Variants in RFWD3 observed in about 807,000 individuals in gnomAD.
RFWD3 encodes the protein E3 ubiquitin-protein ligase RFWD3.
In RFWD3, 65 loss-of-function variants were observed where a neutral mutation model predicts 87.7. The observed-to-expected ratio is 0.74, with a 90% CI of 0.61 to 0.91. RFWD3 has a LOEUF of 0.91. Ranked by LOEUF, RFWD3 falls within the 40% of genes least tolerant of loss-of-function variation. RFWD3 has a pLI of 0.00. For synonymous variants in RFWD3, 433 were observed against 352.8 expected (o/e 1.23, Z -2.55); for missense variants, 1,078 against 938.5 (o/e 1.15, Z -1.94).
Position 74,624,077 on chromosome 16 carries a change from G to C in RFWD3, c.2182-6C>G, listed in dbSNP as rs201236333. On this transcript the variant is annotated splice_region_variant and splice_polypyrimidine_tract_variant and intron_variant, in intron 12 of 12. Transcript: ENST00000361070. Reference sequence around the variant, plus strand: ...CCACTGGCAGCATCCCACAGCTAAAGAACACAAGCAGAGGGAAGGGTCAGG... The same window carrying C: ...CCACTGGCAGCATCCCACAGCTAAACAACACAAGCAGAGGGAAGGGTCAGG... 4.6e-5 allele frequency: 74 copies of C among 1,613,476 alleles called. No individual in the cohort carries two copies. In the Middle Eastern group the frequency reaches 6.6e-4, roughly 14 times the overall value.
At chr16:74,639,989 T>C (rs1007836152) in intron 6 of RFWD3, among the ~76,000 whole-genome samples, 1 of 152,186 alleles carries the variant, frequency 6.6e-6, no homozygotes, top group African/African-American at 2.4e-5. Flanking sequence ...TTTATTATTG[T>C]TAATCTCTTA....
intron 6 of RFWD3, chr16:74,644,122 T>G: frequency 1.8e-6 from 1 of 561,000 alleles, no homozygotes. Flanking sequence ...GCAACAGAAG[T>G]AATGTGCCAG....
intron 8 of RFWD3, among the ~76,000 whole-genome samples, chr16:74,633,279 G>GA (rs59964330): frequency 0.65 from 71,882 of 110,682 alleles, 21,527 homozygotes; most frequent in African/African-American, 0.78. Context: ...CTCCGTCTCA[G>GA]AAAAAAAAAA....
Position 74,623,945 on chromosome 16 carries a change from T to C in RFWD3, c.2308A>G (p.Ile770Val), listed in dbSNP as rs1220012508. The C allele has an allele frequency of 1.2e-6, 2 of 1,614,136 alleles. No homozygotes were observed. The highest frequency in any genetic ancestry group is 1.7e-6 in the Non-Finnish European group (2 of 1,180,000). ...GACCACAGTCACTCCCACTTATAGA[T>C]GTGGACCATCTTCTCTGTTAAGGTA... ...LATLTEKMVHIYKWE is the reference protein window; with the variant it reads ...LATLTEKMVHVYKWE The change falls in exon 13 of 13, where the codon ATC becomes GTC. Residue 770 changes from isoleucine (I) to valine (V), a missense_variant. By Grantham distance (29) the Ile-to-Val change is conservative. Transcript: ENST00000361070.
At position 74,624,549 on chromosome 16, in the gene RFWD3, C is replaced by T. The variant is rs572941309; in HGVS notation, c.2182-478G>A. Among the ~76,000 whole-genome samples the T allele has an allele frequency of 8.5e-5, 13 of 152,320 alleles. No homozygotes were observed. In the South Asian group the frequency reaches 2.7e-3, roughly 32 times the overall value. ...TAGCTGGGATTACAGACATCCACCA[C>T]CACGCCCGGCTAATTTTCTTGTATT... On this transcript the variant is annotated intron_variant, in intron 12 of 12. Coordinates refer to ENST00000361070, the MANE Select transcript of RFWD3 (RefSeq NM_018124.4).
intron 4 of RFWD3, 126 bp from the exon 5 acceptor site, chr16:74,644,861 T>C: frequency 1.3e-6 from 1 of 767,958 alleles, no homozygotes; most frequent in Non-Finnish European, 2.1e-6. Flanking sequence ...ACAGAACACT[T>C]GTAACACCTA....
rs140551878 is a variant in RFWD3 at position 74,642,283 on chromosome 16, C to T, written c.1079+2079G>A. Reference sequence around the variant, plus strand: ...CATTACAGGCACGCACCACCACATCCGGATAATTTTTTGTATTTTTAGTAA... The same window carrying T: ...CATTACAGGCACGCACCACCACATCTGGATAATTTTTTGTATTTTTAGTAA... On this transcript the variant is annotated intron_variant, in intron 6 of 12. Transcript: ENST00000361070. Among the ~76,000 whole-genome samples the T allele has an allele frequency of 8.2e-3, 1,250 of 151,804 alleles. 21 individuals carry two copies. The highest frequency in any genetic ancestry group is 0.029 in the African/African-American group (1,181 of 41,404).
rs755293919 is a variant in RFWD3 at position 74,637,949 on chromosome 16, C to G, written c.1101G>C (p.Met367Ile). ...ATTCTAACTCGGCCTGTTTCCTTAG[C>G]ATCTGTTCCTTCAGTAGGGAACTAG... Reference protein sequence around the residue: ...RMKSSLLKEQMLRKQAELESA... With the variant: ...RMKSSLLKEQILRKQAELESA... Residue 367 changes from methionine (M) to isoleucine (I), a missense_variant, in exon 7 of 13, where the codon ATG becomes ATC. Coordinates refer to ENST00000361070, the MANE Select transcript of RFWD3 (RefSeq NM_018124.4). 6.2e-6 allele frequency: 10 copies of G among 1,611,266 alleles called. No homozygotes were observed. The African/African-American group carries it at 1.3e-4, about 22-fold the overall frequency.
chr16:74,643,669 G>GCTTTTTTTTTTTTT lies in RFWD3; in HGVS notation c.1079+692_1079+693insAAAAAAAAAAAAAG, dbSNP rs56803461. Among the ~76,000 whole-genome samples the GCTTTTTTTTTTTTT allele has an allele frequency of 7.6e-5, 8 of 105,054 alleles. 3 individuals are homozygous for GCTTTTTTTTTTTTT. The highest frequency in any genetic ancestry group is 9.3e-5 in the Non-Finnish European group (5 of 53,500). 68.9% of individuals were successfully genotyped at this position (105,054 alleles called of 152,430 possible). On this transcript the variant is annotated intron_variant, in intron 6 of 12. Transcript: ENST00000361070. ...ATACTGAGTGGTGTTACTAGCAACT[G>GCTTTTTTTTTTTTT]TTTTTTTTTTTTTTTTTTTTTTTTG...
intron 2 of RFWD3, among the ~76,000 whole-genome samples, 193 bp from the exon 3 acceptor site, chr16:74,652,315 A>G (rs1960632405): frequency 6.6e-6 from 1 of 151,770 alleles, no homozygotes; most frequent in Admixed American, 6.6e-5. Flanking sequence ...TTACCACTCA[A>G]CCACTGCTAC....
At chr16:74,634,657 G>A (rs1959178730) in intron 8 of RFWD3, among the ~76,000 whole-genome samples, 1 of 152,092 alleles carries the variant, frequency 6.6e-6, no homozygotes, top group Non-Finnish European at 1.5e-5. Flanking sequence ...CCAAAGTGCT[G>A]GGATTACAGT....
intron 2 of RFWD3, among the ~76,000 whole-genome samples, chr16:74,654,139 TC>T (rs1366001340): frequency 4.6e-5 from 7 of 152,140 alleles, no homozygotes; most frequent in African/African-American, 1.7e-4. Context: ...AGCAGTCATT[TC>T]CCCTCCTATT....
At chr16:74,665,748 C>CT (rs1491030184) in intron 1 of RFWD3, among the ~76,000 whole-genome samples, 1 of 135,308 alleles carries the variant, frequency 7.4e-6, no homozygotes, top group Admixed American at 8.2e-5. Flanking sequence ...TTCTTTCTTT[C>CT]TTTCTTTCTT....
intron 6 of RFWD3, among the ~76,000 whole-genome samples, chr16:74,640,209 C>G (rs553214984): frequency 6.7e-6 from 1 of 148,496 alleles, no homozygotes; most frequent in African/African-American, 2.5e-5. Flanking sequence ...GTGGCGTGAT[C>G]TTGGCTCACT....
chr16:74,643,677 T>C (rs1160273179), intron 6 of RFWD3, among the ~76,000 whole-genome samples: 7 of 113,330 alleles, frequency 6.2e-5, no homozygotes, highest in African/African-American at 8.3e-5. Flanking sequence ...CTGTTTTTTT[T>C]TTTTTTTTTT....
chr16:74,637,249 C>A (rs1473951478), intron 7 of RFWD3, among the ~76,000 whole-genome samples: 5 of 151,674 alleles, frequency 3.3e-5, no homozygotes, highest in African/African-American at 1.2e-4. Flanking sequence ...CCTGGTAAAG[C>A]CCTCATTTTA....
intron 10 of RFWD3, among the ~76,000 whole-genome samples, chr16:74,629,583 T>A (rs1422857980): frequency 2.6e-5 from 4 of 151,736 alleles, no homozygotes; most frequent in Non-Finnish European, 5.9e-5. Context: ...TCCAAGACTG[T>A]GCCACTGCAC....
chr16:74,623,825 T>C lies in RFWD3; in HGVS notation c.*103A>G. The stretch of plus-strand genomic sequence containing the variant: ...AATGCAAACAAACCATGATTCCCAA[T>C]GTTCTAGACTGCAGACAATAAACAG... On this transcript the variant is annotated 3_prime_UTR_variant, in exon 13 of 13. Transcript: ENST00000361070. 2 of 1,248,376 alleles carry C rather than the reference T, an allele frequency of 1.6e-6. No homozygotes were observed. The highest frequency in any genetic ancestry group is 2.3e-6 in the Non-Finnish European group (2 of 879,896). The allele number at this position is 1,248,376 out of a possible 1,614,324, so 77.3% of individuals were successfully genotyped here. A position where few individuals can be genotyped will look rare whatever the true frequency, so the allele number is the denominator to read the frequency against.
At chr16:74,660,046 C>A (rs1406025108) in intron 2 of RFWD3, among the ~76,000 whole-genome samples, 1 of 151,998 alleles carries the variant, frequency 6.6e-6, no homozygotes, top group Non-Finnish European at 1.5e-5. Flanking sequence ...CACAGTGAGA[C>A]CCTGTCTCAA....
Sources: allele counts gnomAD v4.1 joint callset (sites outside exome capture counted in the v4.1 genomes callset), GRCh38; gene constraint gnomAD v4.1.1; transcripts MANE v1.5; gene names NCBI Gene and HGNC (gene_info 2026-07-23, HGNC 2026-07-21).